Variants in ERBB4 observed in about 807,000 individuals in gnomAD.
The protein encoded by ERBB4 is receptor tyrosine-protein kinase erbB-4.
A neutral mutation model predicts 158.0 loss-of-function variants in ERBB4; 42 were observed. The observed-to-expected ratio is 0.27, with a 90% CI of 0.21 to 0.34. The LOEUF is 0.34. Ranked by LOEUF, ERBB4 falls within the 10% of genes least tolerant of loss-of-function variation. ERBB4 has a pLI of 1.00. For synonymous variants in ERBB4, 583 were observed against 558.7 expected (o/e 1.04, Z -0.61); for missense variants, 1,333 against 1,624.1 (o/e 0.82, Z 3.08).
intron 1 of ERBB4, among the ~76,000 whole-genome samples, chr2:212,521,222 A>G (rs1247969435): frequency 1.3e-5 from 2 of 151,986 alleles, no homozygotes; most frequent in African/African-American, 2.4e-5. Context: ...GAAAGGACAG[A>G]GGATTTGAGT....
chr2:212,460,891 G>A (rs1261516380), intron 1 of ERBB4, among the ~76,000 whole-genome samples: 1 of 152,174 alleles, frequency 6.6e-6, no homozygotes, highest in Non-Finnish European at 1.5e-5. Context: ...TGCTATCACA[G>A]GCCCAGAGGC....
intron 20 of ERBB4, among the ~76,000 whole-genome samples, chr2:211,515,913 T>TATATATATATA (rs71054105): frequency 1.4e-4 from 8 of 57,364 alleles, no homozygotes; most frequent in African/African-American, 4.3e-4. Context: ...TATATATATA[T>TATATATATATA]TTTTTTTTTT....
In ERBB4 at chr2:211,430,193, T is replaced by G. The variant is rs148233395; in HGVS notation, c.2643+752A>C. On this transcript the variant is annotated intron_variant, in intron 21 of 27. Coordinates refer to ENST00000342788, the MANE Select transcript of ERBB4 (RefSeq NM_005235.3). Reference sequence around the variant, plus strand: ...TGACATGAGAATAACTGGGTTTTTTTTTGTTGTTGTTAGTGTAAGCTTATA... The same window carrying G: ...TGACATGAGAATAACTGGGTTTTTTGTTGTTGTTGTTAGTGTAAGCTTATA... Among the ~76,000 whole-genome samples the G allele has an allele frequency of 2.5e-3, 377 of 152,228 alleles. 2 individuals are homozygous for G. Among genetic ancestry groups the G allele is most frequent in the African/African-American group, 8.3e-3 (343 of 41,546 alleles).
intron 1 of ERBB4, among the ~76,000 whole-genome samples, chr2:212,507,820 A>G (rs537893794): frequency 1.3e-5 from 2 of 152,374 alleles, no homozygotes; most frequent in South Asian, 4.1e-4. Context: ...GATTTACAAT[A>G]CTATATAAAC....
At chr2:211,659,631 TA>T (rs546320973) in intron 15 of ERBB4, among the ~76,000 whole-genome samples, 3 of 152,028 alleles carry the variant, frequency 2.0e-5, no homozygotes, top group Middle Eastern at 3.4e-3. Context: ...CTTGAAAGAT[TA>T]AAAAAAATTC....
chr2:212,351,469 C>T (rs1431829827), intron 1 of ERBB4, among the ~76,000 whole-genome samples: 1 of 152,120 alleles, frequency 6.6e-6, no homozygotes, highest in African/African-American at 2.4e-5. Flanking sequence ...TTCTGAGTTG[C>T]TTCAAACAGT....
At chr2:211,442,893 T>G (rs1335861345) in intron 20 of ERBB4, among the ~76,000 whole-genome samples, 1 of 152,076 alleles carries the variant, frequency 6.6e-6, no homozygotes, top group African/African-American at 2.4e-5. Flanking sequence ...TTTTTTATCT[T>G]CTATTCTTCA....
At chr2:211,600,540 G>A (rs572703542) in intron 19 of ERBB4, among the ~76,000 whole-genome samples, 13 of 152,154 alleles carry the variant, frequency 8.5e-5, no homozygotes, top group African/African-American at 3.1e-4. Context: ...TTGAAAGGTA[G>A]GACTGAAAAC....
intron 1 of ERBB4, among the ~76,000 whole-genome samples, chr2:212,339,918 T>C (rs1187371679): frequency 6.6e-6 from 1 of 152,182 alleles, no homozygotes; most frequent in Non-Finnish European, 1.5e-5. Flanking sequence ...ACAGTTACGA[T>C]ATACATTTTT....
At chr2:212,090,784 T>C (rs918726306) in intron 2 of ERBB4, among the ~76,000 whole-genome samples, 1 of 152,176 alleles carries the variant, frequency 6.6e-6, no homozygotes, top group Non-Finnish European at 1.5e-5. Flanking sequence ...AGCTAACTGA[T>C]GATTAAAACA....
intron 2 of ERBB4, among the ~76,000 whole-genome samples, chr2:212,058,784 C>T (rs939186618): frequency 1.1e-4 from 16 of 152,224 alleles, no homozygotes; most frequent in East Asian, 9.7e-4. Context: ...ATTGATGGGA[C>T]GTATCTCAAA....
intron 1 of ERBB4, among the ~76,000 whole-genome samples, chr2:212,395,131 T>C (rs1423582505): frequency 6.6e-6 from 1 of 152,142 alleles, no homozygotes; most frequent in Non-Finnish European, 1.5e-5. Flanking sequence ...TGTATATACA[T>C]ATTCTTGAGT....
intron 15 of ERBB4, 57 bp from the exon 16 acceptor site, chr2:211,657,885 A>T: frequency 6.2e-7 from 1 of 1,602,010 alleles, no homozygotes; most frequent in Non-Finnish European, 8.6e-7. Flanking sequence ...ACATGCACAC[A>T]CATGCACCAG....
At position 211,428,358 on chromosome 2, in the gene ERBB4, A is replaced by G. The variant is rs367598206; in HGVS notation, c.2719+50T>C. The G allele has an allele frequency of 5.2e-6, 5 of 967,280 alleles. No homozygotes were observed. The East Asian group carries it at 1.2e-4, about 23-fold the overall frequency. The allele number at this position is 967,280 out of a possible 1,614,324, so 59.9% of individuals were successfully genotyped here. On this transcript the variant is annotated intron_variant, in intron 22 of 27. Coordinates refer to ENST00000342788, the MANE Select transcript of ERBB4 (RefSeq NM_005235.3). ...TTAAGATATTTCACATGAACTTAAC[A>G]TATGTATTTTTGCTTTACAAGCTTT...
chr2:212,474,548 C>T (rs1276015287), intron 1 of ERBB4, among the ~76,000 whole-genome samples: 1 of 152,006 alleles, frequency 6.6e-6, no homozygotes, highest in Non-Finnish European at 1.5e-5. Context: ...GCTTTGGAGA[C>T]CTGTATTCTG....
chr2:212,446,859 C>G (rs1268218015), intron 1 of ERBB4, among the ~76,000 whole-genome samples: 1 of 150,194 alleles, frequency 6.7e-6, no homozygotes, highest in Non-Finnish European at 1.5e-5. Context: ...AAGTAATAAG[C>G]CTAACCCATA....
At chr2:211,722,641 A>G (rs929925627) in intron 6 of ERBB4, 107 bp from the exon 7 acceptor site, 1 of 1,154,638 alleles carries the variant, frequency 8.7e-7, no homozygotes, top group Non-Finnish European at 1.3e-6. Flanking sequence ...TTCCACAAAT[A>G]TTACAAAATT....
intron 1 of ERBB4, among the ~76,000 whole-genome samples, chr2:212,267,207 C>T (rs956413730): frequency 6.6e-6 from 1 of 151,896 alleles, no homozygotes; most frequent in Non-Finnish European, 1.5e-5. Context: ...TGTGAACATG[C>T]ATTTCAATAA....
chr2:212,331,071 T>TATATATATATATATATATATATATACAC (rs147932949), intron 1 of ERBB4, among the ~76,000 whole-genome samples: 6 of 120,022 alleles, frequency 5.0e-5, no homozygotes, highest in African/African-American at 8.3e-5. Flanking sequence ...TATATATATA[T>TATATATATATATATATATATATATACAC]ACACATATAT....
Sources: allele counts gnomAD v4.1 joint callset (sites outside exome capture counted in the v4.1 genomes callset), GRCh38; gene constraint gnomAD v4.1.1; transcripts MANE v1.5; gene names NCBI Gene and HGNC (gene_info 2026-07-23, HGNC 2026-07-21).